HDDC2: variants seen among roughly 807,000 people sequenced by gnomAD.
HDDC2 encodes HD domain containing 2.
Under a neutral mutation model 25.5 loss-of-function variants are expected in HDDC2, and 25 were observed. The observed-to-expected ratio is 0.98, with a 90% CI of 0.72 to 1.37. The LOEUF (loss-of-function observed/expected upper bound fraction) is 1.37. Ranked by LOEUF, HDDC2 falls within the 40% of genes most tolerant of loss-of-function variation. HDDC2 has a pLI of 0.00. For synonymous variants in HDDC2, 106 were observed against 89.7 expected, an observed-to-expected ratio of 1.18 and a Z score of -1.03; for missense variants, 264 against 253.1, an observed-to-expected ratio of 1.04 and a Z score of -0.29.
In HDDC2 at chr6:125,289,160, G is replaced by T. The variant is rs1351050497; in HGVS notation, c.378+3681C>A. Among the ~76,000 whole-genome samples, 14 of 132,684 alleles carry T rather than the reference G, an allele frequency of 1.1e-4. 1 individual carries two copies. The East Asian group carries it at 2.9e-3, about 28-fold the overall frequency. The allele number at this position is 132,684 out of a possible 152,430, so 87.0% of individuals were successfully genotyped here. On this transcript the variant is annotated intron_variant, in intron 4 of 5. Transcript: ENST00000398153. ...GGAATACTATGCAGCCATAAAAAAT[G>T]ATGAGTTCATGTCCTTTGTAGGGAC...
At chr6:125,296,603 T>C (rs377446650) in intron 3 of HDDC2, among the ~76,000 whole-genome samples, 1 of 152,224 alleles carries the variant, frequency 6.6e-6, no homozygotes, top group Non-Finnish European at 1.5e-5. Context: ...ACATCAGTGC[T>C]CTCCAAGCCT....
chr6:125,294,415 C>T (rs1201215207), intron 3 of HDDC2, among the ~76,000 whole-genome samples: 1 of 152,176 alleles, frequency 6.6e-6, no homozygotes, highest in Admixed American at 6.5e-5. Flanking sequence ...GTGGTAGCAT[C>T]ACACTACCCT....
At position 125,280,886 on chromosome 6, in the gene HDDC2, C is replaced by T. The variant is rs551205391; in HGVS notation, c.379-3646G>A. On this transcript the variant is annotated intron_variant, in intron 4 of 5. Transcript: ENST00000398153. ...CTCTGCTAAGGGACAGACTCTCTCCCTGACCTCCATGCTTCCTGACTGGGA... is the reference window on the plus strand; with the variant it reads ...CTCTGCTAAGGGACAGACTCTCTCCTTGACCTCCATGCTTCCTGACTGGGA... 5.0e-4 allele frequency among the ~76,000 whole-genome samples: 76 copies of T among 152,322 alleles called. 1 individual carries two copies. The highest frequency in any genetic ancestry group is 1.7e-3 in the African/African-American group (72 of 41,586).
intron 4 of HDDC2, among the ~76,000 whole-genome samples, chr6:125,286,539 G>T (rs1003404068): frequency 6.6e-6 from 1 of 152,082 alleles, no homozygotes; most frequent in African/African-American, 2.4e-5. Context: ...GTGGAAAAAA[G>T]GATACGCACC....
chr6:125,277,230 G>C lies in HDDC2; in HGVS notation c.389C>G (p.Thr130Ser), dbSNP rs1583047397. 1 of 1,613,992 alleles carries C rather than the reference G, an allele frequency of 6.2e-7. No individual in the cohort carries two copies. The highest frequency in any genetic ancestry group is 8.5e-7 in the Non-Finnish European group (1 of 1,179,924). Residue 130 changes from threonine (T) to serine (S), a missense_variant, in exon 5 of 6, where the codon ACC (threonine) becomes AGC (serine). Physicochemically the swap from Thr to Ser is moderately conservative, Grantham distance 58. Coordinates refer to ENST00000398153, the MANE Select transcript of HDDC2 (RefSeq NM_016063.3). ...ELYELWEEYE[T>S]QSSAEAKFVK... The stretch of plus-strand genomic sequence containing the variant: ...AAATTTGGCTTCTGCACTAGATTGG[G>C]TCTCGTACTCCTAAGTAAAGGGACA...
chr6:125,291,867 G>A (rs767918959), intron 4 of HDDC2, among the ~76,000 whole-genome samples: 6 of 152,098 alleles, frequency 3.9e-5, no homozygotes, highest in Non-Finnish European at 8.8e-5. Flanking sequence ...TACAGAATCT[G>A]AGCGTTACAT....
intron 3 of HDDC2, among the ~76,000 whole-genome samples, chr6:125,295,520 T>C (rs1411673119): frequency 3.3e-5 from 5 of 152,146 alleles, no homozygotes; most frequent in South Asian, 4.1e-4. Context: ...GGGTTAAATA[T>C]TGGTACCTAC....
chr6:125,297,762 A>G (rs931027055), intron 3 of HDDC2, among the ~76,000 whole-genome samples: 5 of 152,206 alleles, frequency 3.3e-5, no homozygotes, highest in Non-Finnish European at 7.4e-5. Flanking sequence ...TCTTGAATTG[A>G]AAACCAACCA....
chr6:125,277,473 C>T (rs1798387125), intron 4 of HDDC2: 1 of 431,380 alleles, frequency 2.3e-6, no homozygotes, highest in Admixed American at 4.0e-5. Flanking sequence ...CTACCAGAAG[C>T]CATGGAAATC....
chr6:125,290,492 C>T (rs1432023139), intron 4 of HDDC2, among the ~76,000 whole-genome samples: 5 of 152,120 alleles, frequency 3.3e-5, no homozygotes, highest in Non-Finnish European at 7.4e-5. Context: ...AATTTATGTC[C>T]GCCTACAACC....
intron 4 of HDDC2, among the ~76,000 whole-genome samples, chr6:125,288,375 C>A (rs1798575707): frequency 6.6e-6 from 1 of 152,088 alleles, no homozygotes; most frequent in Non-Finnish European, 1.5e-5. Context: ...GGCTGTGACC[C>A]CAGTCCCCAC....
At chr6:125,293,977 G>A (rs1562446938) in intron 3 of HDDC2, among the ~76,000 whole-genome samples, 1 of 152,100 alleles carries the variant, frequency 6.6e-6, no homozygotes, top group Admixed American at 6.5e-5. Flanking sequence ...TGTACTTTCT[G>A]GTCTCAAAGA....
rs561441511 is a variant in HDDC2 at position 125,300,481 on chromosome 6, G to A, written c.206+57C>T. On this transcript the variant is annotated intron_variant, in intron 2 of 5. Transcript: ENST00000398153. ...TGACATGGGTCTCAGTAGTAAAAAC[G>A]GGTGCACACCCATAGACCAGAATCT... The A allele has an allele frequency of 3.4e-4, 524 of 1,562,056 alleles. 5 individuals carry two copies. The Middle Eastern group carries it at 6.2e-3, about 19-fold the overall frequency.
intron 1 of HDDC2, among the ~76,000 whole-genome samples, chr6:125,301,484 A>ACACACACGCGCG (rs201300858): frequency 9.8e-5 from 13 of 132,882 alleles, no homozygotes; most frequent in East Asian, 2.4e-4. Flanking sequence ...GGTCGTGAGC[A>ACACACACGCGCG]CACACACACA....
chr6:125,292,997 T>C lies in HDDC2; in HGVS notation c.310-88A>G, dbSNP rs1273924167. ...CAACAGACAAATAGGTTCGGATTCTTACAAACAACTCTCACAGGGGCAGCA... is the reference window on the plus strand; with the variant it reads ...CAACAGACAAATAGGTTCGGATTCTCACAAACAACTCTCACAGGGGCAGCA... On this transcript the variant is annotated intron_variant, in intron 3 of 5. Coordinates refer to ENST00000398153, the MANE Select transcript of HDDC2 (RefSeq NM_016063.3). The C allele has an allele frequency of 4.0e-6, 4 of 1,012,344 alleles. No homozygotes were observed. In the African/African-American group the frequency reaches 4.7e-5, roughly 12 times the overall value. The allele number at this position is 1,012,344 out of a possible 1,614,324, so 62.7% of individuals were successfully genotyped here.
intron 4 of HDDC2, among the ~76,000 whole-genome samples, chr6:125,290,295 T>C (rs761701595): frequency 8.5e-5 from 13 of 152,164 alleles, no homozygotes; most frequent in Non-Finnish European, 1.5e-4. Context: ...CCTATAATTA[T>C]TGCCATTTTA....
intron 4 of HDDC2, among the ~76,000 whole-genome samples, chr6:125,290,239 G>A (rs562997368): frequency 1.3e-5 from 2 of 152,276 alleles, no homozygotes; most frequent in South Asian, 2.1e-4. Flanking sequence ...GTGCCAGGCA[G>A]TATCCTCATT....
chr6:125,287,915 C>G lies in HDDC2; in HGVS notation c.378+4926G>C, dbSNP rs76809253. Reference sequence around the variant, plus strand: ...CACAGGCAGAGCGGGGTTGCCGGATCCAGCCACACCCACACGAAGGCCGAA... The same window carrying G: ...CACAGGCAGAGCGGGGTTGCCGGATGCAGCCACACCCACACGAAGGCCGAA... On this transcript the variant is annotated intron_variant, in intron 4 of 5. Coordinates refer to ENST00000398153, the MANE Select transcript of HDDC2 (RefSeq NM_016063.3). 1.6e-4 allele frequency among the ~76,000 whole-genome samples: 25 copies of G among 152,294 alleles called. No homozygotes were observed. The East Asian group carries it at 4.6e-3, about 28-fold the overall frequency.
intron 5 of HDDC2, 63 bp downstream of exon 5, chr6:125,277,039 A>G: frequency 1.9e-6 from 3 of 1,542,858 alleles, no homozygotes; most frequent in Non-Finnish European, 2.7e-6. Context: ...TAATATTAAC[A>G]TTAGTCACTA....
Sources: allele counts gnomAD v4.1 joint callset (sites outside exome capture counted in the v4.1 genomes callset), GRCh38; gene constraint gnomAD v4.1.1; transcripts MANE v1.5; gene names NCBI Gene and HGNC (gene_info 2026-07-23, HGNC 2026-07-21).